Variants in LOXL1 observed in about 807,000 individuals in gnomAD.
The protein encoded by LOXL1 is lysyl oxidase like 1.
LOXL1 carries 31 observed loss-of-function variants against 62.2 expected under a neutral mutation model. That is an observed-to-expected ratio of 0.50 (90% CI 0.37 to 0.67). The LOEUF is 0.67. LOXL1 is among the 30% of genes least tolerant of loss of function. The pLI is 0.00. For synonymous variants in LOXL1, 403 were observed against 384.4 expected, an observed-to-expected ratio of 1.05 and a Z score of -0.56; for missense variants, 775 against 843.4, an observed-to-expected ratio of 0.92 and a Z score of 1.00.
At chr15:73,950,666 C>CTCAGGGCTCAGTGTGTGACCAGGA (rs1168240997) in intron 6 of LOXL1, among the ~76,000 whole-genome samples, 41 of 145,558 alleles carry the variant, frequency 2.8e-4, no homozygotes, top group Middle Eastern at 3.6e-3. Flanking sequence ...TGTAGCCAGG[C>CTCAGGGCTCAGTGTGTGACCAGGA]TCAGGGCTCA....
At position 73,949,594 on chromosome 15, in the gene LOXL1, C is replaced by T. The variant is rs370978231; in HGVS notation, c.1718+20C>T. On this transcript the variant is annotated intron_variant, in intron 6 of 6. Transcript: ENST00000261921. ...TGTCCAGTAAGAGTTTGCCCACCACCCTTCCTGGCTCCGTCCCTTTCCTGC... is the reference window on the plus strand; with the variant it reads ...TGTCCAGTAAGAGTTTGCCCACCACTCTTCCTGGCTCCGTCCCTTTCCTGC... 23 of 1,536,638 alleles carry T rather than the reference C, an allele frequency of 1.5e-5. No homozygotes were observed. Among genetic ancestry groups the T allele is most frequent in the Non-Finnish European group, 1.9e-5 (21 of 1,110,368 alleles).
At chr15:73,934,640 A>G (rs1350788269) in intron 1 of LOXL1, among the ~76,000 whole-genome samples, 1 of 152,232 alleles carries the variant, frequency 6.6e-6, no homozygotes, top group Non-Finnish European at 1.5e-5. Flanking sequence ...ATATTTATTG[A>G]GCGACTTACT....
At chr15:73,947,256 G>A (rs775591428) in intron 4 of LOXL1, 33 bp downstream of exon 4, 4 of 1,568,168 alleles carry the variant, frequency 2.6e-6, no homozygotes, top group Non-Finnish European at 3.5e-6. Flanking sequence ...TGGGGCATGG[G>A]AGGATAAGGA....
intron 1 of LOXL1, chr15:73,928,110 G>A (rs2068604974): frequency 2.0e-5 from 8 of 408,908 alleles, no homozygotes; most frequent in Non-Finnish European, 3.4e-5. Flanking sequence ...CCAGGGGTTG[G>A]CCAGGCAGGT....
Position 73,927,758 on chromosome 15 carries a change from C to A in LOXL1, c.975C>A (p.Arg325=). Residue 325 remains arginine, a synonymous_variant, in exon 1 of 7, where the codon CGC becomes CGA. Coordinates refer to ENST00000261921, the MANE Select transcript of LOXL1 (RefSeq NM_005576.4). The stretch of plus-strand genomic sequence containing the variant: ...CGCCCGAGGCGTACGGGCCGCCGCG[C>A]GCGCTGGAGCCGCCCTACCTGCCGG... The part of the protein sequence containing the change: ...NPPPEAYGPP[R]ALEPPYLPVR... 1 of 1,445,932 alleles carries A rather than the reference C, an allele frequency of 6.9e-7. No individual in the cohort carries two copies. The highest frequency in any genetic ancestry group is 9.0e-7 in the Non-Finnish European group (1 of 1,105,386). 89.6% of individuals were successfully genotyped at this position (1,445,932 alleles called of 1,614,324 possible).
intron 1 of LOXL1, among the ~76,000 whole-genome samples, chr15:73,937,879 G>T (rs1296031870): frequency 6.6e-6 from 1 of 152,250 alleles, no homozygotes; most frequent in African/African-American, 2.4e-5. Context: ...GAGCAGGGCT[G>T]TAGGTGACCC....
At chr15:73,944,243 A>G (rs1312881035) in intron 2 of LOXL1, among the ~76,000 whole-genome samples, 1 of 152,202 alleles carries the variant, frequency 6.6e-6, no homozygotes, top group Non-Finnish European at 1.5e-5. Flanking sequence ...AGCCTCCATG[A>G]CAGCCCTTCC....
intron 6 of LOXL1, among the ~76,000 whole-genome samples, chr15:73,950,757 C>T (rs559740134): frequency 2.6e-5 from 4 of 152,298 alleles, no homozygotes; most frequent in Admixed American, 2.6e-4. Context: ...CAGTCTGTGA[C>T]CAGAGCCAGG....
chr15:73,931,094 A>C (rs1395518360), intron 1 of LOXL1, among the ~76,000 whole-genome samples: 2 of 151,888 alleles, frequency 1.3e-5, no homozygotes, highest in East Asian at 3.9e-4. Flanking sequence ...GCCACCTAAG[A>C]AGCCCCACAG....
chr15:73,947,605 C>T, intron 4 of LOXL1: 1 of 523,448 alleles, frequency 1.9e-6, no homozygotes, highest in South Asian at 2.9e-5. Context: ...GTCCCTCCCA[C>T]CTGGCTATTA....
chr15:73,938,073 G>A (rs1354082722), intron 1 of LOXL1, among the ~76,000 whole-genome samples: 1 of 152,190 alleles, frequency 6.6e-6, no homozygotes, highest in African/African-American at 2.4e-5. Context: ...GAACACTTGA[G>A]GTCAGGAGTT....
At chr15:73,946,178 G>A (rs1237916477) in intron 2 of LOXL1, among the ~76,000 whole-genome samples, 2 of 152,230 alleles carry the variant, frequency 1.3e-5, no homozygotes, top group Non-Finnish European at 2.9e-5. Context: ...GGCAGCTGGC[G>A]GCCACATGGT....
chr15:73,940,382 C>G (rs1460738176), intron 1 of LOXL1, among the ~76,000 whole-genome samples: 1 of 152,124 alleles, frequency 6.6e-6, no homozygotes, highest in Non-Finnish European at 1.5e-5. Flanking sequence ...TGCCCCTCCT[C>G]CATAACTCTG....
intron 2 of LOXL1, among the ~76,000 whole-genome samples, chr15:73,943,593 GC>G (rs2068729438): frequency 6.6e-6 from 1 of 152,182 alleles, no homozygotes; most frequent in Non-Finnish European, 1.5e-5. Context: ...CAGCTGGCTC[GC>G]CATTATTCAT....
chr15:73,947,805 A>C lies in LOXL1; in HGVS notation c.1507-2A>C. Reference sequence around the variant, plus strand: ...CAGCCGCTCCTCTTGTCCCTTTCCCAGGGCCTGAGCCCAGGCTGCTATGAC... The same window carrying C: ...CAGCCGCTCCTCTTGTCCCTTTCCCCGGGCCTGAGCCCAGGCTGCTATGAC... On this transcript the variant is annotated splice_acceptor_variant, in intron 4 of 6. Coordinates refer to ENST00000261921, the MANE Select transcript of LOXL1 (RefSeq NM_005576.4). LOFTEE classifies it high-confidence loss of function. 1 of 1,606,848 alleles carries C rather than the reference A, an allele frequency of 6.2e-7. No individual in the cohort carries two copies. The highest frequency in any genetic ancestry group is 8.5e-7 in the Non-Finnish European group (1 of 1,174,710).
At chr15:73,951,175 G>A (rs752865632) in intron 6 of LOXL1, among the ~76,000 whole-genome samples, 3 of 152,204 alleles carry the variant, frequency 2.0e-5, no homozygotes, top group Non-Finnish European at 2.9e-5. Context: ...GCTGGGAAAG[G>A]GGGATGGGAA....
intron 5 of LOXL1, 69 bp downstream of exon 5, chr15:73,947,971 A>G: frequency 8.2e-7 from 1 of 1,225,306 alleles, no homozygotes; most frequent in South Asian, 1.3e-5. Flanking sequence ...CGTTCCTGAA[A>G]GAAGCTTCAG....
In LOXL1 at chr15:73,942,935, G is replaced by A; in HGVS notation, c.1184G>A (p.Cys395Tyr). Residue 395 changes from cysteine (C) to tyrosine (Y), a missense_variant, in exon 2 of 7, where the codon TGT becomes TAT. Coordinates refer to ENST00000261921, the MANE Select transcript of LOXL1 (RefSeq NM_005576.4). The part of the protein sequence containing the change: ...VQRAHLYSLR[C>Y]AAEEKCLAST... Reference sequence around the variant, plus strand: ...AGAGCCCACCTGTACTCCCTGCGCTGTGCTGCGGAGGAGAAGTGTCTGGCC... The same window carrying A: ...AGAGCCCACCTGTACTCCCTGCGCTATGCTGCGGAGGAGAAGTGTCTGGCC... 1.2e-6 allele frequency: 2 copies of A among 1,613,960 alleles called. No individual in the cohort carries two copies. Among genetic ancestry groups the A allele is most frequent in the South Asian group, 1.1e-5 (1 of 91,080 alleles).
chr15:73,944,431 C>G (rs1333788795), intron 2 of LOXL1, among the ~76,000 whole-genome samples: 1 of 152,158 alleles, frequency 6.6e-6, no homozygotes, highest in Non-Finnish European at 1.5e-5. Flanking sequence ...GTGACAGAAC[C>G]AAGACACGAG....
Sources: allele counts gnomAD v4.1 joint callset (sites outside exome capture counted in the v4.1 genomes callset), GRCh38; gene constraint gnomAD v4.1.1; transcripts MANE v1.5; gene names NCBI Gene and HGNC (gene_info 2026-07-23, HGNC 2026-07-21).